The following MTUS2 variants were observed in gnomAD, a reference collection of about 807,000 sequenced individuals.
MTUS2 encodes the protein microtubule-associated tumor suppressor candidate 2.
A neutral mutation model predicts 114.1 loss-of-function variants in MTUS2; 40 were observed. That is an observed-to-expected ratio of 0.35 (90% CI 0.27 to 0.46). The LOEUF (loss-of-function observed/expected upper bound fraction) is 0.46, where lower values mean the gene tolerates loss of function less well. Ranked by LOEUF, MTUS2 falls within the 20% of genes least tolerant of loss-of-function variation. The pLI, the probability that MTUS2 is intolerant of heterozygous loss-of-function variation, is 1.00. For missense variants in MTUS2, 1,679 were observed against 1,705.4 expected (o/e 0.98, Z 0.27); for synonymous variants, 688 against 672.0 (o/e 1.02, Z -0.37).
At chr13:29,057,830 C>T (rs1888209853) in intron 4 of MTUS2, among the ~76,000 whole-genome samples, 1 of 151,956 alleles carries the variant, frequency 6.6e-6, no homozygotes, top group Non-Finnish European at 1.5e-5. Flanking sequence ...CAGGTTTGAT[C>T]CTGTATTTGT....
At chr13:29,164,925 T>A (rs1027309040) in intron 5 of MTUS2, among the ~76,000 whole-genome samples, 1 of 152,236 alleles carries the variant, frequency 6.6e-6, no homozygotes, top group Admixed American at 6.5e-5. Context: ...TTATTTAAGG[T>A]AGAAATGTAT....
intron 2 of MTUS2, among the ~76,000 whole-genome samples, chr13:28,965,196 A>G (rs1259979686): frequency 1.3e-5 from 2 of 152,184 alleles, no homozygotes; most frequent in Non-Finnish European, 2.9e-5. Context: ...TTCTTTCAAT[A>G]GCCTCATCGT....
At chr13:28,944,924 C>G (rs572212473) in intron 2 of MTUS2, among the ~76,000 whole-genome samples, 2 of 152,102 alleles carry the variant, frequency 1.3e-5, no homozygotes, top group Non-Finnish European at 2.9e-5. Flanking sequence ...AACCATCACC[C>G]GAATAATGTA....
At chr13:29,044,722 T>G (rs969553465) in intron 4 of MTUS2, among the ~76,000 whole-genome samples, 1 of 152,262 alleles carries the variant, frequency 6.6e-6, no homozygotes, top group Non-Finnish European at 1.5e-5. Flanking sequence ...ATTTATTTAC[T>G]AACTCACAAT....
chr13:28,979,064 T>C (rs888899093), intron 2 of MTUS2, among the ~76,000 whole-genome samples: 4 of 152,206 alleles, frequency 2.6e-5, no homozygotes, highest in African/African-American at 4.8e-5. Flanking sequence ...CAGTCAGACA[T>C]TGCAAAGAGT....
intron 8 of MTUS2, among the ~76,000 whole-genome samples, chr13:29,388,292 G>A (rs906733063): frequency 5.3e-5 from 8 of 152,028 alleles, no homozygotes; most frequent in Admixed American, 5.2e-4. Context: ...GAGTCGGGGA[G>A]GTTGGCTTTG....
chr13:28,866,601 T>A (rs1877311869), intron 2 of MTUS2, among the ~76,000 whole-genome samples: 1 of 152,196 alleles, frequency 6.6e-6, no homozygotes, highest in South Asian at 2.1e-4. Context: ...ATACTTACAT[T>A]TATTATGAAC....
At position 29,314,756 on chromosome 13, in the gene MTUS2, G is replaced by C. The variant is rs146403848; in HGVS notation, c.2807-9857G>C. 4.0e-3 allele frequency among the ~76,000 whole-genome samples: 604 copies of C among 152,240 alleles called. 8 individuals carry two copies. Among genetic ancestry groups the C allele is most frequent in the African/African-American group, 0.014 (575 of 41,542 alleles). On this transcript the variant is annotated intron_variant, in intron 6 of 15. Coordinates refer to ENST00000612955, the MANE Select transcript of MTUS2 (RefSeq NM_001033602.4). ...CCTTGCAGAATGACCTTTCAGAAAG[G>C]TATCAGTACAGAACTTTGTTTTAAA... is the stretch of plus-strand genomic sequence containing the variant.
chr13:28,999,236 A>G (rs1166537119), intron 2 of MTUS2, among the ~76,000 whole-genome samples: 1 of 152,118 alleles, frequency 6.6e-6, no homozygotes, highest in Non-Finnish European at 1.5e-5. Flanking sequence ...CTGCTGCCTG[A>G]TCGTTCCTCT....
At chr13:29,439,415 G>C (rs1458588396) in intron 8 of MTUS2, among the ~76,000 whole-genome samples, 3 of 152,202 alleles carry the variant, frequency 2.0e-5, no homozygotes, top group African/African-American at 7.2e-5. Flanking sequence ...TATTGATGCT[G>C]ACAGTGGAAC....
chr13:29,256,783 A>T (rs1259449271), intron 5 of MTUS2, among the ~76,000 whole-genome samples: 1 of 152,212 alleles, frequency 6.6e-6, no homozygotes, highest in Non-Finnish European at 1.5e-5. Context: ...AACTTTCTTC[A>T]TACCTCATTC....
Position 29,086,819 on chromosome 13 carries a change from G to A in MTUS2, c.2447-13954G>A, listed in dbSNP as rs566392942. On this transcript the variant is annotated intron_variant, in intron 4 of 15. Transcript: ENST00000612955. The stretch of plus-strand genomic sequence containing the variant: ...CTTTCAGCAATGTTTTGCAGTTTTT[G>A]TAGAGATTTTTCACCTCCCTGGTTA... 5.3e-5 allele frequency among the ~76,000 whole-genome samples: 8 copies of A among 152,140 alleles called. 1 individual carries two copies. The South Asian group carries it at 1.7e-3, about 32-fold the overall frequency.
intron 2 of MTUS2, among the ~76,000 whole-genome samples, chr13:28,842,033 C>T (rs930028560): frequency 2.6e-5 from 4 of 152,154 alleles, no homozygotes; most frequent in African/African-American, 7.2e-5. Context: ...CCCCATTCCC[C>T]TCTATGTGTA....
At chr13:29,066,965 C>G (rs1888693979) in intron 4 of MTUS2, among the ~76,000 whole-genome samples, 1 of 152,126 alleles carries the variant, frequency 6.6e-6, no homozygotes, top group South Asian at 2.1e-4. Flanking sequence ...GAATATAGAT[C>G]TGTCAAGGAG....
intron 4 of MTUS2, among the ~76,000 whole-genome samples, chr13:29,057,080 G>A (rs1420967327): frequency 2.0e-5 from 3 of 152,090 alleles, no homozygotes; most frequent in African/African-American, 7.2e-5. Flanking sequence ...TCATTCAGGG[G>A]TAGGTGGTTT....
intron 8 of MTUS2, among the ~76,000 whole-genome samples, chr13:29,383,002 G>A (rs1566168334): frequency 6.6e-6 from 1 of 152,124 alleles, no homozygotes; most frequent in Non-Finnish European, 1.5e-5. Flanking sequence ...TAAGCCGTGT[G>A]GGGACGCAGC....
chr13:29,281,943 G>A, intron 6 of MTUS2, 78 bp downstream of exon 6: 5 of 1,420,852 alleles, frequency 3.5e-6, no homozygotes, highest in Non-Finnish European at 4.7e-6. Flanking sequence ...GAAAGCCCCT[G>A]TGTACATCAG....
chr13:28,834,758 T>C (rs1036705524), intron 1 of MTUS2, among the ~76,000 whole-genome samples: 8 of 152,304 alleles, frequency 5.3e-5, no homozygotes, highest in African/African-American at 1.7e-4. Context: ...AGATTAATTT[T>C]TTGAAAATTA....
chr13:28,997,738 G>C (rs1386864011), intron 2 of MTUS2, among the ~76,000 whole-genome samples: 1 of 151,864 alleles, frequency 6.6e-6, no homozygotes, highest in East Asian at 1.9e-4. Flanking sequence ...TTTTCCATTT[G>C]CTTGGTAGAT....
Sources: allele counts gnomAD v4.1 joint callset (sites outside exome capture counted in the v4.1 genomes callset), GRCh38; gene constraint gnomAD v4.1.1; transcripts MANE v1.5; gene names NCBI Gene and HGNC (gene_info 2026-07-23, HGNC 2026-07-21).